The following SDCCAG8 variants were observed in gnomAD, a reference collection of about 807,000 sequenced individuals.
The protein encoded by SDCCAG8 is SHH signaling and ciliogenesis regulator SDCCAG8.
Under a neutral mutation model 101.8 loss-of-function variants are expected in SDCCAG8, and 74 were observed. The observed-to-expected ratio is 0.73, with a 90% CI of 0.60 to 0.88. The LOEUF is 0.88. Among genes scored for constraint, SDCCAG8 ranks in the 40% least tolerant of loss-of-function variants. The pLI is 0.00. For missense variants in SDCCAG8, 787 were observed against 822.6 expected, an observed-to-expected ratio of 0.96 and a Z score of 0.53; for synonymous variants, 281 against 292.9, an observed-to-expected ratio of 0.96 and a Z score of 0.41.
At chr1:243,273,811 G>C (rs1452468560) in intron 3 of SDCCAG8, among the ~76,000 whole-genome samples, 1 of 152,040 alleles carries the variant, frequency 6.6e-6, no homozygotes, top group Non-Finnish European at 1.5e-5. Flanking sequence ...TTTCCAATTT[G>C]TTAAAATAGT....
At chr1:243,303,462 T>A (rs2071748416) in intron 6 of SDCCAG8, among the ~76,000 whole-genome samples, 1 of 152,164 alleles carries the variant, frequency 6.6e-6, no homozygotes, top group African/African-American at 2.4e-5. Context: ...TCCTAACTCC[T>A]GCATCTCTTC....
intron 9 of SDCCAG8, among the ~76,000 whole-genome samples, chr1:243,322,709 T>C (rs1327950315): frequency 6.6e-6 from 1 of 152,106 alleles, no homozygotes; most frequent in Non-Finnish European, 1.5e-5. Flanking sequence ...CTACAGTGCC[T>C]TTATTCTTAT....
chr1:243,330,887 G>A (rs2074542163), intron 10 of SDCCAG8, among the ~76,000 whole-genome samples, 195 bp downstream of exon 10: 1 of 152,076 alleles, frequency 6.6e-6, no homozygotes. Context: ...AGTTTATGCT[G>A]ATCTTTTCAA....
chr1:243,352,772 C>T (rs1196190678), intron 12 of SDCCAG8, among the ~76,000 whole-genome samples: 1 of 152,112 alleles, frequency 6.6e-6, no homozygotes, highest in Non-Finnish European at 1.5e-5. Flanking sequence ...TTTTACCTTC[C>T]ACTTTTTGTA....
intron 16 of SDCCAG8, chr1:243,475,839 G>A (rs1462767731): frequency 2.0e-6 from 1 of 505,206 alleles, no homozygotes; most frequent in East Asian, 1.5e-4. Flanking sequence ...GGTGTTGGAA[G>A]CCTAGACTGG....
intron 6 of SDCCAG8, 46 bp from the exon 7 acceptor site, chr1:243,304,667 A>G (rs772782483): frequency 9.6e-7 from 1 of 1,039,748 alleles, no homozygotes; most frequent in African/African-American, 1.6e-5. Flanking sequence ...TACTTATAAA[A>G]TACAGGACAT....
At chr1:243,388,741 G>A (rs775452796) in intron 13 of SDCCAG8, among the ~76,000 whole-genome samples, 3 of 151,494 alleles carry the variant, frequency 2.0e-5, no homozygotes, top group East Asian at 1.9e-4. Flanking sequence ...AGGCATGGTT[G>A]TGCATGCCTG....
intron 13 of SDCCAG8, among the ~76,000 whole-genome samples, chr1:243,391,629 A>G (rs907273479): frequency 6.6e-6 from 1 of 152,128 alleles, no homozygotes; most frequent in Non-Finnish European, 1.5e-5. Context: ...TATCAAAGGG[A>G]TTCCTTCCCC....
rs149928402 is a variant in SDCCAG8 at position 243,270,218 on chromosome 1, G to T, written c.181G>T (p.Ala61Ser). 1.4e-4 allele frequency: 226 copies of T among 1,614,124 alleles called. No individual in the cohort carries two copies. Among genetic ancestry groups the T allele is most frequent in the Middle Eastern group, 9.9e-4 (6 of 6,062 alleles). ...SFSTSVGNED[A>S]RTAWPELQQS... ...TAGCACCAGTGTGGGAAATGAGGAC[G>T]CCAGGACAGCCTGGCCCGAATTACA... Residue 61 changes from alanine to serine, a missense_variant, in exon 2 of 18, where the codon GCC (alanine) becomes TCC (serine). Transcript: ENST00000366541.
chr1:243,327,382 ATTATAAT>A (rs1378227733), intron 9 of SDCCAG8, among the ~76,000 whole-genome samples: 5 of 145,652 alleles, frequency 3.4e-5, no homozygotes, highest in East Asian at 2.0e-4. Flanking sequence ...AGAAATTAAA[ATTATAAT>A]TTATAATTTT....
intron 16 of SDCCAG8, among the ~76,000 whole-genome samples, chr1:243,480,722 T>TGGAG (rs1663497977): frequency 1.3e-5 from 1 of 74,160 alleles, no homozygotes; most frequent in Non-Finnish European, 2.6e-5. Flanking sequence ...GATGGATGGG[T>TGGAG]GGGATGGATG....
intron 9 of SDCCAG8, among the ~76,000 whole-genome samples, chr1:243,320,277 T>A (rs1387649753): frequency 2.6e-5 from 4 of 152,198 alleles, no homozygotes; most frequent in Admixed American, 2.6e-4. Context: ...ATTTATCTAT[T>A]ACACTTCTTC....
In SDCCAG8 at chr1:243,478,956, C is replaced by CAAAA. The variant is rs148382740; in HGVS notation, c.1986-10040_1986-10037dup. 1.9e-3 allele frequency among the ~76,000 whole-genome samples: 181 copies of CAAAA among 94,660 alleles called. 1 individual carries two copies. Among genetic ancestry groups the CAAAA allele is most frequent in the African/African-American group, 2.2e-3 (50 of 23,018 alleles). 62.1% of individuals were successfully genotyped at this position (94,660 alleles called of 152,430 possible). On this transcript the variant is annotated intron_variant, in intron 16 of 17. Transcript: ENST00000366541. ...CTGGCCACAGAGTGAGACTCTGTCT[C>CAAAA]AAAAAAAAAAAAAAAAAAAAAGAAA...
chr1:243,309,433 A>G (rs1195079385), intron 8 of SDCCAG8, among the ~76,000 whole-genome samples: 2 of 152,194 alleles, frequency 1.3e-5, no homozygotes, highest in African/African-American at 2.4e-5. Flanking sequence ...TGTACCTTCT[A>G]TACTCCCAAG....
intron 16 of SDCCAG8, among the ~76,000 whole-genome samples, chr1:243,438,146 C>T (rs2082272516): frequency 6.6e-6 from 1 of 152,132 alleles, no homozygotes; most frequent in Non-Finnish European, 1.5e-5. Flanking sequence ...TTTTGCCCCG[C>T]CTTCAATCTT....
intron 13 of SDCCAG8, among the ~76,000 whole-genome samples, chr1:243,399,838 T>C (rs2079264876): frequency 1.3e-5 from 2 of 152,148 alleles, no homozygotes; most frequent in South Asian, 4.1e-4. Flanking sequence ...CTGGGAGTGG[T>C]AGTAAAGATA....
intron 10 of SDCCAG8, among the ~76,000 whole-genome samples, chr1:243,334,922 C>G (rs766266534): frequency 3.3e-5 from 5 of 152,174 alleles, no homozygotes; most frequent in Non-Finnish European, 5.9e-5. Flanking sequence ...GTCTCCGCGC[C>G]TCCCATAGCT....
chr1:243,426,300 G>A, intron 15 of SDCCAG8, 127 bp from the exon 16 acceptor site: 1 of 809,382 alleles, frequency 1.2e-6, no homozygotes, highest in Non-Finnish European at 2.0e-6. Flanking sequence ...TTTTGCAAAG[G>A]ATGTAGTTTT....
At chr1:243,424,010 AT>A (rs1211129426) in intron 15 of SDCCAG8, among the ~76,000 whole-genome samples, 1 of 152,070 alleles carries the variant, frequency 6.6e-6, no homozygotes, top group Non-Finnish European at 1.5e-5. Context: ...TTGTTGTGCT[AT>A]TTTTTGAATA....
Sources: allele counts gnomAD v4.1 joint callset (sites outside exome capture counted in the v4.1 genomes callset), GRCh38; gene constraint gnomAD v4.1.1; transcripts MANE v1.5; gene names NCBI Gene and HGNC (gene_info 2026-07-23, HGNC 2026-07-21).